Variants in FMNL3 observed in about 807,000 individuals in gnomAD.
FMNL3 encodes formin-like protein 3.
In FMNL3, 57 loss-of-function variants were observed where a neutral mutation model predicts 119.6. That is an observed-to-expected ratio of 0.48 (90% CI 0.39 to 0.59). The LOEUF (loss-of-function observed/expected upper bound fraction) is 0.59, where lower values mean the gene tolerates loss of function less well. Among genes scored for constraint, FMNL3 ranks in the 20% least tolerant of loss-of-function variants. The probability of loss-of-function intolerance (pLI) is 0.00; values close to 1 mark genes in which losing one functional copy is unlikely to be tolerated. For missense variants in FMNL3, 1,053 were observed against 1,323.5 expected (o/e 0.80, Z 3.17); for synonymous variants, 491 against 507.3 (o/e 0.97, Z 0.43).
chr12:49,663,007 A>T (rs1233066415), intron 4 of FMNL3, among the ~76,000 whole-genome samples: 1 of 152,162 alleles, frequency 6.6e-6, no homozygotes, highest in African/African-American at 2.4e-5. Flanking sequence ...AACAGCTGGA[A>T]AACCAGTGCC....
At chr12:49,694,929 T>A (rs1305640069) in intron 1 of FMNL3, among the ~76,000 whole-genome samples, 2 of 151,850 alleles carry the variant, frequency 1.3e-5, no homozygotes, top group Admixed American at 1.3e-4. Flanking sequence ...AAAAAGTATA[T>A]CCTCTAAATT....
At position 49,658,586 on chromosome 12, in the gene FMNL3, A is replaced by C; in HGVS notation, c.461T>G (p.Phe154Cys). The C allele has an allele frequency of 1.2e-6, 2 of 1,608,728 alleles. No individual in the cohort carries two copies. The highest frequency in any genetic ancestry group is 1.7e-6 in the Non-Finnish European group (2 of 1,177,188). Residue 154 changes from phenylalanine (F) to cysteine (C), a missense_variant, in exon 6 of 26, where the codon TTT (phenylalanine) becomes TGT (cysteine). Phe to Cys is a radical substitution (Grantham distance 205). This residue lies in a region of FMNL3 where 264 missense variants were observed against 265.5 expected (regional missense o/e 0.99). Coordinates refer to ENST00000335154, the MANE Select transcript of FMNL3 (RefSeq NM_175736.5). ...ATCGTCACCACTTTCCAGACCCTCA[A>C]AGTCAAACCTGGAGCATGAAAGGAC... ...SFAQCSVMFDFEGLESGDDGA... is the reference protein window; with the variant it reads ...SFAQCSVMFDCEGLESGDDGA...
intron 1 of FMNL3, among the ~76,000 whole-genome samples, chr12:49,696,924 T>C (rs988504293): frequency 3.3e-5 from 5 of 152,202 alleles, no homozygotes; most frequent in African/African-American, 1.2e-4. Flanking sequence ...CTCACCCAGC[T>C]ATCACTTCCC....
At position 49,650,735 on chromosome 12, in the gene FMNL3, C is replaced by G; in HGVS notation, c.1941G>C (p.Leu647=). ...TLLEANRAKN[L]AITLRKAGRS... is the part of the protein sequence containing the mutation. ...GGCCAGCCTTGCGTAGGGTGATGGC[C>G]AGGTTCTTGGCACGATTGGCTTCCA... The change falls in exon 17 of 26, where the codon CTG becomes CTC. Residue 647 remains leucine, a synonymous_variant. Coordinates refer to ENST00000335154, the MANE Select transcript of FMNL3 (RefSeq NM_175736.5). The G allele has an allele frequency of 1.2e-6, 2 of 1,614,160 alleles. No individual in the cohort carries two copies. Among genetic ancestry groups the G allele is most frequent in the Non-Finnish European group, 8.5e-7 (1 of 1,180,038 alleles).
chr12:49,683,241 T>C (rs1944380647), intron 1 of FMNL3, among the ~76,000 whole-genome samples: 1 of 152,200 alleles, frequency 6.6e-6, no homozygotes, highest in Non-Finnish European at 1.5e-5. Context: ...AATATGTATT[T>C]CTATCCCAGA....
Position 49,668,366 on chromosome 12 carries a change from G to A in FMNL3, c.210+105C>T. ...ACAGATGAGGCCAAGCTTAGGCCAG[G>A]GTTCCTCAAGGAACCCAAGGCTGCA... On this transcript the variant is annotated intron_variant, in intron 2 of 25. Transcript: ENST00000335154. 9 of 1,000,440 alleles carry A rather than the reference G, an allele frequency of 9.0e-6. 1 individual carries two copies. In the South Asian group the frequency reaches 1.1e-4, roughly 12 times the overall value. The allele number at this position is 1,000,440 out of a possible 1,614,324, so 62.0% of individuals were successfully genotyped here. A position where few individuals can be genotyped will look rare whatever the true frequency, so the allele number is the denominator to read the frequency against.
intron 2 of FMNL3, among the ~76,000 whole-genome samples, chr12:49,667,807 A>G (rs1217043657): frequency 2.6e-5 from 4 of 152,218 alleles, no homozygotes; most frequent in African/African-American, 9.6e-5. Flanking sequence ...ACACTGCCAG[A>G]TACTTCCATC....
In FMNL3 at chr12:49,652,232, A is replaced by G. The variant is rs1230797550; in HGVS notation, c.1324-20T>C. 8 of 1,606,524 alleles carry G rather than the reference A, an allele frequency of 5.0e-6. No individual in the cohort carries two copies. The highest frequency in any genetic ancestry group is 6.8e-6 in the Non-Finnish European group (8 of 1,176,504). On this transcript the variant is annotated intron_variant, in intron 13 of 25. Transcript: ENST00000335154. The stretch of plus-strand genomic sequence containing the variant: ...TGTCTCCTGGCAGGCAGACAGCACC[A>G]TTAAGGGAAAAGTGGGCTGAAGGCA...
At position 49,661,969 on chromosome 12, in the gene FMNL3, A is replaced by T; in HGVS notation, c.449T>A (p.Val150Asp). ...VDYLSFAQCS[V>D]MFDFEGLESG... ...TCAGCCCCGGGGTGGTACTCACATG[A>T]CAGAACACTGGGCAAAGGACAGGTA... The change falls in exon 5 of 26, where the codon GTC (valine) becomes GAC (aspartate). Residue 150 changes from valine to aspartate, a missense_variant. Physicochemically the swap from Val to Asp is radical, Grantham distance 152. This residue lies in a region of FMNL3 where 264 missense variants were observed against 265.5 expected (regional missense o/e 0.99). Transcript: ENST00000335154. The T allele has an allele frequency of 6.2e-7, 1 of 1,614,096 alleles. No individual in the cohort carries two copies. Among genetic ancestry groups the T allele is most frequent in the Non-Finnish European group, 8.5e-7 (1 of 1,180,002 alleles).
chr12:49,656,190 T>G (rs1943563718), intron 9 of FMNL3, among the ~76,000 whole-genome samples: 1 of 152,038 alleles, frequency 6.6e-6, no homozygotes, highest in Non-Finnish European at 1.5e-5. Context: ...GAGGGTATCT[T>G]TAGCTGGCCA....
intron 15 of FMNL3, 43 bp downstream of exon 15, chr12:49,651,339 C>A (rs937878502): frequency 5.6e-6 from 9 of 1,598,702 alleles, no homozygotes; most frequent in Admixed American, 1.7e-5. Flanking sequence ...GGACACACAC[C>A]CCTGGTCCCA....
intron 1 of FMNL3, among the ~76,000 whole-genome samples, chr12:49,672,121 C>T (rs887296892): frequency 6.6e-6 from 1 of 152,170 alleles, no homozygotes; most frequent in African/African-American, 2.4e-5. Flanking sequence ...TTCTGATGTC[C>T]GAGGGACCTG....
chr12:49,668,993 A>T (rs1211942016), intron 1 of FMNL3, among the ~76,000 whole-genome samples: 2 of 152,072 alleles, frequency 1.3e-5, no homozygotes, highest in African/African-American at 2.4e-5. Context: ...TAAAGCAGCA[A>T]TTTTTTTCAG....
intron 1 of FMNL3, among the ~76,000 whole-genome samples, chr12:49,673,193 A>G (rs946223451): frequency 6.6e-6 from 1 of 152,216 alleles, no homozygotes; most frequent in Non-Finnish European, 1.5e-5. Flanking sequence ...ACTGCCCCAC[A>G]GATTAAATGA....
chr12:49,636,835 C>T lies in FMNL3; in HGVS notation c.*8980G>A, dbSNP rs561353855. ...GGAGCGACGCCAACAACGCAAGAAT[C>T]GGGAGGCCTTCCAGGTATCTTTGCT... On this transcript the variant is annotated 3_prime_UTR_variant, in exon 26 of 26. Transcript: ENST00000335154. 4 of 1,613,904 alleles carry T rather than the reference C, an allele frequency of 2.5e-6. No individual in the cohort carries two copies. Among genetic ancestry groups the T allele is most frequent in the African/African-American group, 1.3e-5 (1 of 74,932 alleles).
intron 1 of FMNL3, among the ~76,000 whole-genome samples, chr12:49,691,872 T>C (rs1944612672): frequency 6.6e-6 from 1 of 151,726 alleles, no homozygotes; most frequent in Admixed American, 6.6e-5. Flanking sequence ...CCATCTCTAC[T>C]AAAAATACAA....
intron 1 of FMNL3, among the ~76,000 whole-genome samples, chr12:49,680,371 T>C (rs1273819827): frequency 6.6e-6 from 1 of 152,236 alleles, no homozygotes; most frequent in Non-Finnish European, 1.5e-5. Flanking sequence ...TTGTATCAGC[T>C]AGGGAGAGGC....
chr12:49,685,648 T>C (rs938600327), intron 1 of FMNL3, among the ~76,000 whole-genome samples: 5 of 152,178 alleles, frequency 3.3e-5, no homozygotes, highest in African/African-American at 1.2e-4. Context: ...TTCAGTGACT[T>C]TACAACTTCA....
intron 1 of FMNL3, 108 bp from the exon 2 acceptor site, chr12:49,668,662 G>T: frequency 1.1e-6 from 1 of 885,138 alleles, no homozygotes; most frequent in Non-Finnish European, 1.8e-6. Flanking sequence ...ACTTCACCCT[G>T]ACACTCCATC....
Sources: allele counts gnomAD v4.1 joint callset (sites outside exome capture counted in the v4.1 genomes callset), GRCh38; gene constraint gnomAD v4.1.1; regional missense constraint gnomAD v4.1.1; transcripts MANE v1.5; gene names NCBI Gene and HGNC (gene_info 2026-07-23, HGNC 2026-07-21).